ELMO2: variants seen among roughly 807,000 people sequenced by gnomAD.
ELMO2 encodes engulfment and cell motility protein 2.
In ELMO2, 37 loss-of-function variants were observed where a neutral mutation model predicts 96.2. The observed-to-expected ratio is 0.38, with a 90% confidence interval of 0.30 to 0.51. The LOEUF (loss-of-function observed/expected upper bound fraction) is 0.51. Among genes scored for constraint, ELMO2 ranks in the 20% least tolerant of loss-of-function variants. ELMO2 has a pLI of 0.88. For missense variants in ELMO2, 561 were observed against 912.6 expected (o/e 0.61, Z 4.96); for synonymous variants, 315 against 329.4 (o/e 0.96, Z 0.47).
At chr20:46,370,332 A>C in intron 20 of ELMO2, 111 bp downstream of exon 20, 1 of 975,592 alleles carries the variant, frequency 1.0e-6, no homozygotes, top group Non-Finnish European at 1.7e-6. Flanking sequence ...TTAATAAAAC[A>C]TTCAGGAATA....
intron 10 of ELMO2, among the ~76,000 whole-genome samples, chr20:46,383,039 A>G (rs1402349007): frequency 6.6e-6 from 1 of 152,140 alleles, no homozygotes; most frequent in African/African-American, 2.4e-5. Context: ...GTTTTTGTAA[A>G]TAAGATTTTA....
chr20:46,393,867 A>T (rs1200187427), intron 4 of ELMO2, 182 bp downstream of exon 4: 7 of 859,980 alleles, frequency 8.1e-6, no homozygotes, highest in Non-Finnish European at 1.2e-5. Flanking sequence ...AAAAATTAAG[A>T]AGTATAAACG....
At position 46,371,547 on chromosome 20, in the gene ELMO2, C is replaced by G. The variant is rs759601387; in HGVS notation, c.1693+32G>C. 9 of 1,603,912 alleles carry G rather than the reference C, an allele frequency of 5.6e-6. No individual in the cohort carries two copies. Among genetic ancestry groups the G allele is most frequent in the Non-Finnish European group, 7.7e-6 (9 of 1,173,652 alleles). On this transcript the variant is annotated intron_variant, in intron 18 of 21. Transcript: ENST00000290246. The surrounding 1 kb of genome is among the most constrained non-coding windows in gnomAD (Gnocchi z 5.9). ...AAGGGGCCATCCAGGCAGGCTCTTC[C>G]CGGCACCAAGGATTGCCCCGTCTCC...
chr20:46,382,365 G>A, intron 10 of ELMO2: 1 of 864,270 alleles, frequency 1.2e-6, no homozygotes, highest in South Asian at 1.4e-5. Context: ...AGGACAGACA[G>A]AACCACAGAT....
intron 1 of ELMO2, among the ~76,000 whole-genome samples, chr20:46,400,129 T>G (rs2060311484): frequency 6.6e-6 from 1 of 152,062 alleles, no homozygotes. Context: ...CAAAGTGAGA[T>G]CCTGTCTCTA....
intron 1 of ELMO2, among the ~76,000 whole-genome samples, chr20:46,404,570 A>G (rs1249201075): frequency 6.6e-6 from 1 of 152,184 alleles, no homozygotes; most frequent in Non-Finnish European, 1.5e-5. Flanking sequence ...AGTGCAGATA[A>G]CAACAGTTAT....
chr20:46,387,530 G>A (rs2145821526), intron 7 of ELMO2, 93 bp from the exon 8 acceptor site: 3 of 883,722 alleles, frequency 3.4e-6, no homozygotes, highest in South Asian at 1.5e-5. Flanking sequence ...GAATTTTAAT[G>A]TGAACACCCC....
At chr20:46,370,056 C>G (rs1423116900) in intron 20 of ELMO2, 3 of 358,930 alleles carry the variant, frequency 8.4e-6, no homozygotes, top group Non-Finnish European at 1.6e-5. Context: ...ATTTATAAGA[C>G]AATTGGTAGA....
intron 11 of ELMO2, among the ~76,000 whole-genome samples, chr20:46,377,683 C>T (rs547374671): frequency 3.3e-5 from 5 of 152,316 alleles, no homozygotes; most frequent in African/African-American, 1.2e-4. Context: ...CTGCCTGCAT[C>T]CCTCCCTCCC....
chr20:46,380,470 G>A (rs935993349), intron 10 of ELMO2, among the ~76,000 whole-genome samples, 167 bp from the exon 11 acceptor site: 12 of 152,192 alleles, frequency 7.9e-5, no homozygotes, highest in African/African-American at 2.7e-4. Context: ...ACCATCAGAT[G>A]TATTTTACAC....
At chr20:46,372,850 T>A (rs1280794700) in intron 16 of ELMO2, 2 of 152,156 alleles carry the variant, frequency 1.3e-5, no homozygotes, top group African/African-American at 4.8e-5. Flanking sequence ...TAAATACAGG[T>A]AACTTTTTAT....
At chr20:46,383,011 A>C (rs191692545) in intron 10 of ELMO2, among the ~76,000 whole-genome samples, 5 of 152,180 alleles carry the variant, frequency 3.3e-5, no homozygotes, top group Non-Finnish European at 7.3e-5. Flanking sequence ...AACTATGGCC[A>C]TATTAGGCCT....
rs546819827 is a variant in ELMO2, at chr20:46,371,778, C to T, written c.1580+28G>A. Reference sequence around the variant, plus strand: ...AAGCAGAGCTGGCAGCCACCTCCCCCGCCAGCCTCCCCTGAGATGGAACTT... The same window carrying T: ...AAGCAGAGCTGGCAGCCACCTCCCCTGCCAGCCTCCCCTGAGATGGAACTT... On this transcript the variant is annotated intron_variant, in intron 17 of 21. Coordinates refer to ENST00000290246, the MANE Select transcript of ELMO2 (RefSeq NM_133171.5). This position sits in a 1 kb window ranked among gnomAD's most constrained non-coding sequence, Gnocchi z 5.9. 1.7e-5 allele frequency: 28 copies of T among 1,613,924 alleles called. No homozygotes were observed. The highest frequency in any genetic ancestry group is 1.7e-4 in the Middle Eastern group (1 of 6,060).
rs760241662 is a variant in ELMO2 at position 46,371,696 on chromosome 20, G to A, written c.1581-5C>T. 2 of 1,613,930 alleles carry A rather than the reference G, an allele frequency of 1.2e-6. No homozygotes were observed. Among genetic ancestry groups the A allele is most frequent in the African/African-American group, 1.3e-5 (1 of 75,022 alleles). ...TGGATCTTCTCCCTCAGCTCCCTGG[G>A]GTGGACACACACTGGAGTGAGCGGA... On this transcript the variant is annotated splice_polypyrimidine_tract_variant and splice_region_variant and intron_variant, in intron 17 of 21. Transcript: ENST00000290246. The surrounding 1 kb of genome is among the most constrained non-coding windows in gnomAD (Gnocchi z 5.9).
chr20:46,389,696 A>T (rs977253442), intron 6 of ELMO2, among the ~76,000 whole-genome samples: 14 of 152,246 alleles, frequency 9.2e-5, no homozygotes, highest in Middle Eastern at 6.8e-3. Flanking sequence ...AAAATTTTTT[A>T]AAATGAGCCA....
At chr20:46,380,151 G>C in intron 11 of ELMO2, 102 bp downstream of exon 11, 2 of 1,001,604 alleles carry the variant, frequency 2.0e-6, no homozygotes, top group Non-Finnish European at 3.0e-6. Flanking sequence ...GTTCCTCTGT[G>C]TGTCCTCCTC....
intron 7 of ELMO2, 86 bp from the exon 8 acceptor site, chr20:46,387,523 T>C (rs2060068349): frequency 9.6e-7 from 1 of 1,044,134 alleles, no homozygotes. Context: ...AAAAGATGAA[T>C]TTTAATGTGA....
chr20:46,374,962 C>G (rs1319248917), intron 13 of ELMO2, among the ~76,000 whole-genome samples: 1 of 152,216 alleles, frequency 6.6e-6, no homozygotes, highest in Non-Finnish European at 1.5e-5. Context: ...AAGAACCTAG[C>G]AGTTTGGGTA....
rs759321668 is a variant in ELMO2, at chr20:46,394,534, T to G, written c.-50-2A>C. 1.3e-6 allele frequency: 2 copies of G among 1,579,662 alleles called. No individual in the cohort carries two copies. Among genetic ancestry groups the G allele is most frequent in the Non-Finnish European group, 1.7e-6 (2 of 1,148,704 alleles). On this transcript the variant is annotated splice_acceptor_variant, in intron 2 of 21. Transcript: ENST00000290246. LOFTEE classifies it low-confidence loss of function (5UTR_SPLICE). The stretch of plus-strand genomic sequence containing the variant: ...AGACAAAAACACAGACACGGCTGCC[T>G]GGGGAGAAAGAATCAGAAAGGTGGA...
Sources: gnomAD v4.1 joint callset for allele counts (sites outside exome capture counted in the v4.1 genomes callset) on GRCh38, gnomAD v4.1.1 for gene constraint, Gnocchi (gnomAD v3.1) non-coding constraint, MANE v1.5 for transcripts, NCBI Gene and HGNC (gene_info 2026-07-23, HGNC 2026-07-21) for gene names.